MGAM: variants seen among roughly 807,000 people sequenced by gnomAD.
MGAM encodes maltase-glucoamylase.
In MGAM, 253 loss-of-function variants were observed where a neutral mutation model predicts 358.8. That is an observed-to-expected ratio of 0.71 (90% confidence interval 0.64 to 0.78). The LOEUF (loss-of-function observed/expected upper bound fraction) is 0.78. MGAM is among the 30% of genes least tolerant of loss of function. The pLI is 0.00. For synonymous variants in MGAM, 1,105 were observed against 1,227.1 expected, an observed-to-expected ratio of 0.90 and a Z score of 2.08; for missense variants, 3,080 against 3,432.6, an observed-to-expected ratio of 0.90 and a Z score of 2.57.
intron 21 of MGAM, among the ~76,000 whole-genome samples, chr7:142,043,837 T>C (rs1469197077): frequency 1.0e-5 from 1 of 95,922 alleles, no homozygotes; most frequent in African/African-American, 2.9e-5. Flanking sequence ...ATATACATTA[T>C]ATACACATAC....
intron 3 of MGAM, among the ~76,000 whole-genome samples, 181 bp from the exon 4 acceptor site, chr7:142,019,018 A>G (rs1316366409): frequency 6.6e-6 from 1 of 152,144 alleles, no homozygotes; most frequent in Non-Finnish European, 1.5e-5. Context: ...GGTCAGAAAA[A>G]TTGGTTGTGG....
At chr7:142,029,024 T>G (rs1807217873) in intron 10 of MGAM, among the ~76,000 whole-genome samples, 1 of 152,082 alleles carries the variant, frequency 6.6e-6, no homozygotes, top group Non-Finnish European at 1.5e-5. Flanking sequence ...GCTACATGCC[T>G]TCTTTAGTTA....
At position 142,070,907 on chromosome 7, in the gene MGAM, G is replaced by A. The variant is rs116486355; in HGVS notation, c.5062-87G>A. On this transcript the variant is annotated intron_variant, in intron 43 of 70. Transcript: ENST00000475668. ...GGTGATGAACAGGCATAAGTTCAGA[G>A]GGGAGGATGAGATGTCTGGCAGGAT... 8.3e-4 allele frequency: 1,227 copies of A among 1,479,070 alleles called. 60 individuals carry two copies. The African/African-American group carries it at 0.014, about 16-fold the overall frequency. 91.6% of individuals were successfully genotyped at this position (1,479,070 alleles called of 1,614,324 possible).
At chr7:142,093,102 G>A (rs532890484) in intron 59 of MGAM, among the ~76,000 whole-genome samples, 1 of 146,704 alleles carries the variant, frequency 6.8e-6, no homozygotes, top group Non-Finnish European at 1.5e-5. Context: ...CAGGTAATGA[G>A]ATCTTCTTCA....
intron 20 of MGAM, chr7:142,040,402 A>G (rs543631532): frequency 7.3e-4 from 426 of 586,584 alleles, no homozygotes; most frequent in Admixed American, 1.4e-3. Context: ...AGATAGGCTG[A>G]CATAGTATCT....
At chr7:142,098,759 C>T (rs1337459985) in intron 66 of MGAM, among the ~76,000 whole-genome samples, 1 of 152,140 alleles carries the variant, frequency 6.6e-6, no homozygotes, top group Non-Finnish European at 1.5e-5. Flanking sequence ...TTGAGTCTCC[C>T]ATTCACTAAC....
chr7:142,088,699 C>G (rs57524388), intron 57 of MGAM, among the ~76,000 whole-genome samples: 1 of 116,772 alleles, frequency 8.6e-6, no homozygotes, highest in African/African-American at 2.9e-5. Context: ...TCTATCTATC[C>G]ATCCAGCCAC....
chr7:142,105,074 A>C (rs1816731242), intron 70 of MGAM, among the ~76,000 whole-genome samples: 1 of 152,074 alleles, frequency 6.6e-6, no homozygotes, highest in Non-Finnish European at 1.5e-5. Flanking sequence ...ATGCAAGCTG[A>C]TGAGGGCACA....
chr7:142,078,487 G>A lies in MGAM; in HGVS notation c.5646+17G>A, dbSNP rs1421888783. On this transcript the variant is annotated intron_variant, in intron 48 of 70. Coordinates refer to ENST00000475668, the MANE Select transcript of MGAM (RefSeq NM_001365693.1). ...ATCTGGGAGGTAACCATGCTGATGG[G>A]GTTCATGTGCATGAAAATCTCCACA... 6 of 1,528,796 alleles carry A rather than the reference G, an allele frequency of 3.9e-6. 1 individual carries two copies. The highest frequency in any genetic ancestry group is 3.6e-5 in the Admixed American group (2 of 54,946). The allele number at this position is 1,528,796 out of a possible 1,614,324, so 94.7% of individuals were successfully genotyped here.
intron 3 of MGAM, among the ~76,000 whole-genome samples, chr7:142,010,572 A>G (rs1554454061): frequency 1.3e-5 from 2 of 152,000 alleles, no homozygotes; most frequent in Non-Finnish European, 2.9e-5. Context: ...TCATTTCCTC[A>G]TGCTTGGGTT....
intron 3 of MGAM, among the ~76,000 whole-genome samples, chr7:142,018,665 G>T (rs1338311878): frequency 6.6e-6 from 1 of 152,148 alleles, no homozygotes; most frequent in African/African-American, 2.4e-5. Context: ...ATCTATTTGG[G>T]TGTCAAGAAA....
In MGAM at chr7:142,064,591, C is replaced by T. The variant is rs568406835; in HGVS notation, c.4484+69C>T. ...ATTGCCAGTGACTGACATAGCTACC[C>T]TAGTTTTCCTTTCATTCCATTTCTA... On this transcript the variant is annotated intron_variant, in intron 37 of 70. Transcript: ENST00000475668. 3.1e-4 allele frequency: 469 copies of T among 1,521,278 alleles called. 1 individual carries two copies. Among genetic ancestry groups the T allele is most frequent in the Non-Finnish European group, 1.4e-4 (158 of 1,126,762 alleles). The allele number at this position is 1,521,278 out of a possible 1,614,324, so 94.2% of individuals were successfully genotyped here. A position where few individuals can be genotyped will look rare whatever the true frequency, so the allele number is the denominator to read the frequency against.
chr7:142,007,474 A>T (rs539985448), intron 2 of MGAM, among the ~76,000 whole-genome samples: 7 of 152,214 alleles, frequency 4.6e-5, no homozygotes, highest in Admixed American at 3.3e-4. Context: ...CTTTTTGTAG[A>T]AAAAAGTCCC....
chr7:142,031,825 CAA>C (rs1554463902), intron 13 of MGAM, 32 bp downstream of exon 13: 3 of 1,397,540 alleles, frequency 2.1e-6, no homozygotes, highest in African/African-American at 2.8e-5. Context: ...TATTAGGTGA[CAA>C]ATATTCAAAT....
intron 42 of MGAM, among the ~76,000 whole-genome samples, chr7:142,068,186 A>G (rs1237580702): frequency 7.5e-6 from 1 of 132,766 alleles, no homozygotes; most frequent in African/African-American, 2.5e-5. Context: ...TTTAGTAGAG[A>G]TGGGGTTTCA....
chr7:142,067,231 G>C lies in MGAM; in HGVS notation c.4920-110G>C, dbSNP rs1812842274. ...TAGGCCTAGGAACAAAGCAAGGATGGCTCAGGGGCAGCTGTATTTCCGACT... is the reference window on the plus strand; with the variant it reads ...TAGGCCTAGGAACAAAGCAAGGATGCCTCAGGGGCAGCTGTATTTCCGACT... On this transcript the variant is annotated intron_variant, in intron 41 of 70. Transcript: ENST00000475668. 11 of 998,536 alleles carry C rather than the reference G, an allele frequency of 1.1e-5. 1 individual carries two copies. The highest frequency in any genetic ancestry group is 1.7e-5 in the Non-Finnish European group (11 of 648,424). The allele number at this position is 998,536 out of a possible 1,614,324, so 61.9% of individuals were successfully genotyped here. A position where few individuals can be genotyped will look rare whatever the true frequency, so the allele number is the denominator to read the frequency against.
intron 6 of MGAM, 59 bp from the exon 7 acceptor site, chr7:142,022,209 A>T: frequency 2.7e-6 from 4 of 1,482,762 alleles, no homozygotes. Flanking sequence ...TTTTCTAAGC[A>T]CTTACGTTCT....
At chr7:141,991,200 A>G (rs1320494888), upstream of MGAM, among the ~76,000 whole-genome samples, 3 of 152,248 alleles carry the variant, frequency 2.0e-5, no homozygotes, top group Non-Finnish European at 2.9e-5. Flanking sequence ...GAAATCATTT[A>G]GCATAGAACA....
chr7:142,100,795 A>C lies in MGAM; in HGVS notation c.7875-7A>C. ...TTAGCTAATGCCTCTCTGCCTGCTC[A>C]CTGCAGCCGCCAGAAATTCATGGGC... On this transcript the variant is annotated splice_region_variant and splice_polypyrimidine_tract_variant and intron_variant, in intron 67 of 70. Coordinates refer to ENST00000475668, the MANE Select transcript of MGAM (RefSeq NM_001365693.1). The C allele has an allele frequency of 6.2e-7, 1 of 1,607,982 alleles. No homozygotes were observed. Among genetic ancestry groups the C allele is most frequent in the Non-Finnish European group, 8.5e-7 (1 of 1,177,130 alleles).
Sources: gnomAD v4.1 joint callset for allele counts (sites outside exome capture counted in the v4.1 genomes callset) on GRCh38, gnomAD v4.1.1 for gene constraint, MANE v1.5 for transcripts, NCBI Gene and HGNC (gene_info 2026-07-23, HGNC 2026-07-21) for gene names.